The following OGG1 variants were observed in gnomAD, a reference collection of about 807,000 sequenced individuals.
The protein encoded by OGG1 is 8-oxoguanine DNA glycosylase.
A neutral mutation model predicts 42.3 loss-of-function variants in OGG1; 35 were observed. That is an observed-to-expected ratio of 0.83 (90% CI 0.63 to 1.10). The LOEUF (loss-of-function observed/expected upper bound fraction) is 1.10. Among genes scored for constraint, OGG1 ranks in the 50% least tolerant of loss-of-function variants. The pLI is 0.00. For missense variants in OGG1, 484 were observed against 446.7 expected (o/e 1.08, Z -0.75); for synonymous variants, 189 against 179.0 (o/e 1.06, Z -0.44).
intron 2 of OGG1, among the ~76,000 whole-genome samples, chr3:9,779,651 A>T (rs113215264): frequency 6.0e-5 from 9 of 149,188 alleles, no homozygotes; most frequent in East Asian, 3.9e-4. Context: ...AACTTAAATT[A>T]AAAAAAAAAG....
At chr3:9,780,008 G>A in intron 2 of OGG1, 1 of 197,604 alleles carries the variant, frequency 5.1e-6, no homozygotes, top group Non-Finnish European at 1.0e-5. Context: ...TCTTAAGTTT[G>A]CACTTTACAA....
At chr3:9,760,366 T>G, downstream of OGG1, 1 of 304,970 alleles carries the variant, frequency 3.3e-6, no homozygotes, top group South Asian at 4.1e-5. Flanking sequence ...AGGATGAAAA[T>G]GTTTATGGTG....
chr3:9,757,560 G>A (rs759183025), downstream of OGG1: 2 of 1,614,018 alleles, frequency 1.2e-6, no homozygotes, highest in African/African-American at 1.3e-5. The surrounding 1 kb of genome is among the most constrained non-coding windows in gnomAD (Gnocchi z 4.5). Context: ...GGGGCAGTGT[G>A]GGGGACAGTT....
intron 7 of OGG1, chr3:9,763,260 C>T: frequency 6.2e-7 from 1 of 1,612,000 alleles, no homozygotes. Flanking sequence ...CGGTGTGCAC[C>T]TGTAGTCCAA....
chr3:9,759,395 A>C, downstream of OGG1: 2 of 1,577,964 alleles, frequency 1.3e-6, no homozygotes, highest in Non-Finnish European at 1.7e-6. Flanking sequence ...CTGTGTGCCC[A>C]GTGTGATGCC....
At chr3:9,786,979 G>T in intron 3 of OGG1, 1 of 1,579,696 alleles carries the variant, frequency 6.3e-7, no homozygotes, top group Non-Finnish European at 8.7e-7. Flanking sequence ...AGTAAATATG[G>T]TTCCTCTTTT....
chr3:9,789,668 C>A (rs1368404232), downstream of OGG1: 1 of 1,609,602 alleles, frequency 6.2e-7, no homozygotes, highest in East Asian at 2.2e-5. Flanking sequence ...AGTGCCTCCA[C>A]CACCAGAACC....
Position 9,757,247 on chromosome 3 carries a change from C to A in OGG1, c.*97C>A, listed in dbSNP as rs762079074. ...CACCCAGTCTCATGTTGGGGAGGGG[C>A]CTCCCTGTGACTACCTCAAAGGCCA... On this transcript the variant is annotated 3_prime_UTR_variant, in exon 7 of 7. Transcript: ENST00000344629. This position sits in a 1 kb window ranked among gnomAD's most constrained non-coding sequence, Gnocchi z 4.5. The A allele has an allele frequency of 8.0e-5, 129 of 1,613,830 alleles. No individual in the cohort carries two copies. The highest frequency in any genetic ancestry group is 1.0e-4 in the Non-Finnish European group (118 of 1,179,932).
intron 3 of OGG1, among the ~76,000 whole-genome samples, 157 bp from the exon 4 acceptor site, chr3:9,754,547 C>A (rs963010048): frequency 3.9e-5 from 6 of 152,218 alleles, no homozygotes; most frequent in Non-Finnish European, 7.3e-5. Flanking sequence ...AACCCTTTCC[C>A]TTGCACATAA....
intron 2 of OGG1, among the ~76,000 whole-genome samples, chr3:9,778,096 G>C (rs2078387097): frequency 6.6e-6 from 1 of 152,190 alleles, no homozygotes; most frequent in Non-Finnish European, 1.5e-5. Flanking sequence ...TCTGTAAATG[G>C]GATGTTATTA....
chr3:9,790,014 ATC>A, downstream of OGG1: 1 of 1,528,496 alleles, frequency 6.5e-7, no homozygotes. Flanking sequence ...AACACAGAAT[ATC>A]TCTTTCCTCT....
chr3:9,785,521 T>C, intron 3 of OGG1: 1 of 805,416 alleles, frequency 1.2e-6, no homozygotes, highest in East Asian at 2.7e-5. Flanking sequence ...ACCAGAAATA[T>C]CCTTTTATCT....
intron 7 of OGG1, chr3:9,762,828 GA>G (rs2077948696): frequency 7.3e-7 from 1 of 1,377,106 alleles, no homozygotes; most frequent in East Asian, 2.3e-5. Context: ...GTGAGGGGGT[GA>G]AAGTTGCCCA....
chr3:9,756,753 C>T lies in OGG1; in HGVS notation c.899-14C>T. On this transcript the variant is annotated splice_polypyrimidine_tract_variant and intron_variant, in intron 5 of 6. Transcript: ENST00000344629. ...AAGGGGTCAGATAACTTAGTCTCATCACTTCTGATTTAGGAAACTTTTTCC... is the reference window on the plus strand; with the variant it reads ...AAGGGGTCAGATAACTTAGTCTCATTACTTCTGATTTAGGAAACTTTTTCC... 2 of 1,614,160 alleles carry T rather than the reference C, an allele frequency of 1.2e-6. No homozygotes were observed. The highest frequency in any genetic ancestry group is 1.7e-6 in the Non-Finnish European group (2 of 1,180,022).
intron 2 of OGG1, among the ~76,000 whole-genome samples, chr3:9,774,749 A>C (rs1446927951): frequency 6.6e-6 from 1 of 152,224 alleles, no homozygotes; most frequent in East Asian, 1.9e-4. Flanking sequence ...GGTAACACTG[A>C]AGGCTGATGT....
Position 9,751,067 on chromosome 3 carries a change from G to C in OGG1, c.260G>C (p.Arg87Thr). The change falls in exon 2 of 7, where the codon AGG becomes ACG. Residue 87 changes from arginine (R) to threonine (T), a missense_variant. Transcript: ENST00000344629. ...VYRGDKSQASRPTPDELEAVR... is the reference protein window; with the variant it reads ...VYRGDKSQASTPTPDELEAVR... ...CGAGGAGACAAGAGCCAGGCTAGCA[G>C]GCCCACACCAGACGAGCTGGAGGCC... is the stretch of plus-strand genomic sequence containing the variant. The C allele has an allele frequency of 6.2e-7, 1 of 1,613,966 alleles. No individual in the cohort carries two copies. Among genetic ancestry groups the C allele is most frequent in the Non-Finnish European group, 8.5e-7 (1 of 1,179,926 alleles).
chr3:9,771,001 TTTTC>T (rs1260999653), downstream of OGG1, among the ~76,000 whole-genome samples: 28 of 151,932 alleles, frequency 1.8e-4, no homozygotes, highest in Admixed American at 1.4e-3. Context: ...TTTCTTTCTT[TTTTC>T]TTTCTTTCTC....
chr3:9,761,913 G>A, downstream of OGG1: 3 of 1,184,690 alleles, frequency 2.5e-6, no homozygotes, highest in Non-Finnish European at 3.4e-6. Flanking sequence ...CTCTCAAGAA[G>A]GCCAAAAATT....
At chr3:9,757,914 G>T (rs2077662354), downstream of OGG1, 1 of 1,527,772 alleles carries the variant, frequency 6.5e-7, no homozygotes, top group African/African-American at 1.4e-5. This position sits in a 1 kb window ranked among gnomAD's most constrained non-coding sequence, Gnocchi z 4.5. Context: ...ATGGGGCAGG[G>T]GCGCAGTGGG....
Sources: gnomAD v4.1 joint callset for allele counts (sites outside exome capture counted in the v4.1 genomes callset) on GRCh38, gnomAD v4.1.1 for gene constraint, Gnocchi (gnomAD v3.1) non-coding constraint, MANE v1.5 for transcripts, NCBI Gene and HGNC (gene_info 2026-07-23, HGNC 2026-07-21) for gene names.